The following PRIMPOL variants were observed in gnomAD, a reference collection of about 807,000 sequenced individuals.
PRIMPOL encodes DNA-directed primase/polymerase protein.
Under a neutral mutation model 63.6 loss-of-function variants are expected in PRIMPOL, and 54 were observed. The observed-to-expected ratio is 0.85, with a 90% CI of 0.68 to 1.07. The LOEUF is 1.07. Ranked by LOEUF, PRIMPOL falls within the 50% of genes least tolerant of loss-of-function variation. The probability of loss-of-function intolerance (pLI) is 0.00; values close to 1 mark genes in which losing one functional copy is unlikely to be tolerated. For missense variants in PRIMPOL, 610 were observed against 648.3 expected (o/e 0.94, Z 0.64); for synonymous variants, 197 against 220.2 (o/e 0.89, Z 0.93).
At chr4:184,691,799 A>G (rs2696035) in intron 13 of PRIMPOL, 87 bp downstream of exon 13, 333,040 of 938,474 alleles carry the variant, frequency 0.35, 62,991 homozygotes, top group East Asian at 0.68. Context: ...TCCAAATAGC[A>G]TTGAAACCCA....
chr4:184,651,735 GC>G (rs1744567422), intron 1 of PRIMPOL, among the ~76,000 whole-genome samples: 1 of 151,994 alleles, frequency 6.6e-6, no homozygotes, highest in Non-Finnish European at 1.5e-5. Context: ...TGCAACCTCC[GC>G]CTCCCGGGTT....
At position 184,674,094 on chromosome 4, in the gene PRIMPOL, T is replaced by C. The variant is rs963324684; in HGVS notation, c.844+1634T>C. On this transcript the variant is annotated intron_variant, in intron 7 of 13. Transcript: ENST00000314970. ...AGTGGCCAGTACCCGTCTCTACTTCTACCCCAGCAGAACACAGTACCCCAG... is the reference window on the plus strand; with the variant it reads ...AGTGGCCAGTACCCGTCTCTACTTCCACCCCAGCAGAACACAGTACCCCAG... 2.6e-5 allele frequency among the ~76,000 whole-genome samples: 4 copies of C among 152,266 alleles called. No individual in the cohort carries two copies. The East Asian group carries it at 7.7e-4, about 29-fold the overall frequency.
chr4:184,691,084 C>T (rs935585686), intron 11 of PRIMPOL, among the ~76,000 whole-genome samples: 2 of 152,112 alleles, frequency 1.3e-5, no homozygotes, highest in African/African-American at 4.8e-5. Context: ...TGCTTTTTGT[C>T]ATTCATTTTT....
chr4:184,689,038 A>G (rs972076574), intron 11 of PRIMPOL, among the ~76,000 whole-genome samples: 1 of 151,626 alleles, frequency 6.6e-6, no homozygotes, highest in African/African-American at 2.4e-5. Flanking sequence ...AATGGGATGT[A>G]TACTCTCCAT....
intron 2 of PRIMPOL, among the ~76,000 whole-genome samples, chr4:184,652,328 G>T (rs1249254255): frequency 6.6e-6 from 1 of 152,066 alleles, no homozygotes; most frequent in Non-Finnish European, 1.5e-5. Context: ...GATGAAAATG[G>T]TTTTAAGGGT....
chr4:184,651,290 C>CAAAAA (rs1203681677), intron 1 of PRIMPOL, among the ~76,000 whole-genome samples: 2 of 143,930 alleles, frequency 1.4e-5, no homozygotes, highest in African/African-American at 5.7e-5. Context: ...GACTCTGTCT[C>CAAAAA]AAAAAAAAGA....
At chr4:184,678,478 A>G in intron 8 of PRIMPOL, 84 bp downstream of exon 8, 1 of 1,011,566 alleles carries the variant, frequency 9.9e-7, no homozygotes, top group South Asian at 1.6e-5. Flanking sequence ...TAAAATGTAA[A>G]TCATCTAAAT....
rs1263333962 is a variant in PRIMPOL, at chr4:184,649,904, C to G, written c.-142C>G. ...AAGAAGAGGAGCAGGCCGGGACGCC[C>G]ACCGGTAATTTCTGTCTCCTCTGCG... On this transcript the variant is annotated 5_prime_UTR_variant, in exon 1 of 14. Coordinates refer to ENST00000314970, the MANE Select transcript of PRIMPOL (RefSeq NM_152683.4). 1 of 152,284 alleles carries G rather than the reference C, an allele frequency of 6.6e-6. No individual in the cohort carries two copies. Among genetic ancestry groups the G allele is most frequent in the South Asian group, 2.1e-4 (1 of 4,832 alleles). The allele number at this position is 152,284 out of a possible 1,614,324, so 9.4% of individuals were successfully genotyped here. A position where few individuals can be genotyped will look rare whatever the true frequency, so the allele number is the denominator to read the frequency against.
intron 6 of PRIMPOL, among the ~76,000 whole-genome samples, chr4:184,671,342 C>G (rs984462321): frequency 1.3e-5 from 2 of 152,100 alleles, no homozygotes; most frequent in Non-Finnish European, 2.9e-5. Flanking sequence ...AGCAAATGAG[C>G]TCTTGAGAAA....
At chr4:184,664,828 T>G (rs1422988765) in intron 5 of PRIMPOL, among the ~76,000 whole-genome samples, 4 of 152,058 alleles carry the variant, frequency 2.6e-5, no homozygotes, top group African/African-American at 9.7e-5. Flanking sequence ...GTCAAACTAA[T>G]CACATAAATC....
At chr4:184,658,721 G>T (rs1373687814) in intron 3 of PRIMPOL, among the ~76,000 whole-genome samples, 1 of 151,972 alleles carries the variant, frequency 6.6e-6, no homozygotes, top group Non-Finnish European at 1.5e-5. Context: ...AGCCTGCCCA[G>T]CATGGTGAAA....
intron 3 of PRIMPOL, 82 bp downstream of exon 3, chr4:184,657,402 C>CA: frequency 9.3e-7 from 1 of 1,077,082 alleles, no homozygotes; most frequent in Non-Finnish European, 1.3e-6. Context: ...AATTTCAGTT[C>CA]TTTAAAAAAA....
chr4:184,671,738 G>GTTTTT, intron 6 of PRIMPOL, among the ~76,000 whole-genome samples: 1 of 95,478 alleles, frequency 1.0e-5, no homozygotes. Context: ...TAGCGACTCG[G>GTTTTT]TTTTTTTTTT....
chr4:184,661,745 A>G, intron 4 of PRIMPOL, 29 bp from the exon 5 acceptor site: 1 of 1,449,480 alleles, frequency 6.9e-7, no homozygotes, highest in South Asian at 1.2e-5. Context: ...TAATATATCA[A>G]TTTAACAATC....
chr4:184,682,453 A>C (rs1299519650), intron 9 of PRIMPOL, 117 bp downstream of exon 9: 2 of 570,920 alleles, frequency 3.5e-6, no homozygotes, highest in Non-Finnish European at 3.2e-6. Flanking sequence ...GGCTCAAGCC[A>C]TCTCCTGCCT....
chr4:184,656,529 A>G (rs984672316), intron 2 of PRIMPOL, among the ~76,000 whole-genome samples: 3 of 152,216 alleles, frequency 2.0e-5, no homozygotes, highest in Non-Finnish European at 2.9e-5. Flanking sequence ...TACTACAGAC[A>G]TCCAAAACTA....
intron 1 of PRIMPOL, among the ~76,000 whole-genome samples, chr4:184,650,813 G>T (rs184662337): frequency 1.7e-3 from 259 of 152,244 alleles, no homozygotes; most frequent in Admixed American, 5.0e-3. Context: ...GCGCCTATTC[G>T]ACTATAGGGA....
chr4:184,681,530 G>T (rs760045280), intron 8 of PRIMPOL, among the ~76,000 whole-genome samples: 2 of 151,688 alleles, frequency 1.3e-5, no homozygotes, highest in African/African-American at 4.8e-5. Flanking sequence ...TTTTTAATTT[G>T]TATTATTTTT....
chr4:184,660,140 G>A (rs1279914807), intron 4 of PRIMPOL, among the ~76,000 whole-genome samples: 7 of 150,194 alleles, frequency 4.7e-5, no homozygotes, highest in Non-Finnish European at 7.4e-5. Flanking sequence ...TATTTTGACT[G>A]AGTGATCTAT....
Sources: allele counts gnomAD v4.1 joint callset (sites outside exome capture counted in the v4.1 genomes callset), GRCh38; gene constraint gnomAD v4.1.1; transcripts MANE v1.5; gene names NCBI Gene and HGNC (gene_info 2026-07-23, HGNC 2026-07-21).